The following TMEM170B variants were observed in gnomAD, a reference collection of about 807,000 sequenced individuals.
The protein encoded by TMEM170B is transmembrane protein 170B.
Under a neutral mutation model 13.0 loss-of-function variants are expected in TMEM170B, and 6 were observed. The ratio of observed to expected loss-of-function variants is 0.46; its 90% confidence interval spans 0.25 to 0.91. TMEM170B has a LOEUF of 0.91. TMEM170B is among the 40% of genes least tolerant of loss of function. The pLI, the probability that TMEM170B is intolerant of heterozygous loss-of-function variation, is 0.17. For missense variants in TMEM170B, 138 were observed against 165.2 expected (o/e 0.84, Z 0.90); for synonymous variants, 61 against 64.9 (o/e 0.94, Z 0.29).
At chr6:11,551,498 T>A (rs1351195493) in intron 1 of TMEM170B, among the ~76,000 whole-genome samples, 1 of 152,142 alleles carries the variant, frequency 6.6e-6, no homozygotes, top group Non-Finnish European at 1.5e-5. Context: ...GGGAATGAAG[T>A]GTCTGTAAAA....
chr6:11,546,308 A>G (rs1459307611), intron 1 of TMEM170B, among the ~76,000 whole-genome samples: 3 of 152,142 alleles, frequency 2.0e-5, no homozygotes. Context: ...TATTTTTCAT[A>G]CAGCTGTACA....
intron 1 of TMEM170B, among the ~76,000 whole-genome samples, chr6:11,561,769 C>A (rs1428324067): frequency 1.3e-5 from 2 of 152,082 alleles, no homozygotes; most frequent in Non-Finnish European, 2.9e-5. Flanking sequence ...TGTTCATGTT[C>A]AGTCTGATGA....
intron 1 of TMEM170B, among the ~76,000 whole-genome samples, chr6:11,546,088 A>C (rs1759436631): frequency 6.6e-6 from 1 of 151,798 alleles, no homozygotes; most frequent in African/African-American, 2.4e-5. Flanking sequence ...TTCCAGAAGA[A>C]GACGTTGTTA....
chr6:11,575,718 C>G lies in TMEM170B; in HGVS notation c.*157C>G. On this transcript the variant is annotated 3_prime_UTR_variant, in exon 3 of 3. Transcript: ENST00000379426. The surrounding 1 kb of genome is among the most constrained non-coding windows in gnomAD (Gnocchi z 4.1). ...TTGAGCTGTGTGGAAGGATTGCCCT[C>G]TGGTGTTCAAGTGATTGCACTACCG... 3.5e-6 allele frequency: 3 copies of G among 852,882 alleles called. No individual in the cohort carries two copies. Among genetic ancestry groups the G allele is most frequent in the Non-Finnish European group, 5.3e-6 (3 of 562,724 alleles). The allele number at this position is 852,882 out of a possible 1,614,324, so 52.8% of individuals were successfully genotyped here.
chr6:11,582,405 TG>T lies in TMEM170B; in HGVS notation c.*6847del, dbSNP rs1759968507. ...TGGCTAGATACACATCACCAGTGAC[TG>T]GGAATTCAAAGTTTAGAAAGCCTAA... On this transcript the variant is annotated 3_prime_UTR_variant, in exon 3 of 3. Coordinates refer to ENST00000379426, the MANE Select transcript of TMEM170B (RefSeq NM_001100829.3). The T allele has an allele frequency of 6.6e-6, 1 of 152,202 alleles. No individual in the cohort carries two copies. The highest frequency in any genetic ancestry group is 1.5e-5 in the Non-Finnish European group (1 of 68,002). 9.4% of individuals were successfully genotyped at this position (152,202 alleles called of 1,614,324 possible).
intron 2 of TMEM170B, among the ~76,000 whole-genome samples, chr6:11,566,086 G>T (rs1031180915): frequency 1.3e-5 from 2 of 152,154 alleles, no homozygotes; most frequent in African/African-American, 4.8e-5. Context: ...ATAAAAATTG[G>T]CAAGAGGCAA....
At chr6:11,570,637 A>G (rs1391300689) in intron 2 of TMEM170B, among the ~76,000 whole-genome samples, 2 of 152,144 alleles carry the variant, frequency 1.3e-5, no homozygotes, top group African/African-American at 2.4e-5. Context: ...TCCAGGCCCA[A>G]AGGGGTTTAC....
In TMEM170B at chr6:11,578,069, A is replaced by G. The variant is rs1759903241; in HGVS notation, c.*2508A>G. On this transcript the variant is annotated 3_prime_UTR_variant, in exon 3 of 3. Coordinates refer to ENST00000379426, the MANE Select transcript of TMEM170B (RefSeq NM_001100829.3). ...ATATAGGTATATAGAGAGCTGCTAT[A>G]TATGAATACAGTCTACTTGGAAAGC... 6.6e-6 allele frequency: 1 copy of G among 152,162 alleles called. No homozygotes were observed. The highest frequency in any genetic ancestry group is 2.4e-5 in the African/African-American group (1 of 41,448). The allele number at this position is 152,162 out of a possible 1,614,324, so 9.4% of individuals were successfully genotyped here. A position where few individuals can be genotyped will look rare whatever the true frequency, so the allele number is the denominator to read the frequency against.
intron 1 of TMEM170B, among the ~76,000 whole-genome samples, chr6:11,560,336 T>G (rs1759646526): frequency 6.6e-6 from 1 of 151,128 alleles, no homozygotes; most frequent in African/African-American, 2.4e-5. Flanking sequence ...AGCTATTTTT[T>G]TTTTTTTTTT....
intron 1 of TMEM170B, among the ~76,000 whole-genome samples, chr6:11,539,979 T>A (rs1759337440): frequency 6.6e-6 from 1 of 152,218 alleles, no homozygotes; most frequent in East Asian, 1.9e-4. Context: ...ATTTTACCTG[T>A]AGTCTTTAAA....
rs1759877873 is a variant in TMEM170B at position 11,576,686 on chromosome 6, A to G, written c.*1125A>G. 6.6e-6 allele frequency: 1 copy of G among 152,178 alleles called. No individual in the cohort carries two copies. The highest frequency in any genetic ancestry group is 1.5e-5 in the Non-Finnish European group (1 of 68,002). The allele number at this position is 152,178 out of a possible 1,614,324, so 9.4% of individuals were successfully genotyped here. On this transcript the variant is annotated 3_prime_UTR_variant, in exon 3 of 3. Coordinates refer to ENST00000379426, the MANE Select transcript of TMEM170B (RefSeq NM_001100829.3). ...ACTATTTTACTTTGGACATGTGGCA[A>G]CATCATAATTTTGCTAAGTAAAAAT... is the stretch of plus-strand genomic sequence containing the variant.
chr6:11,570,834 G>C (rs1281255830), intron 2 of TMEM170B, among the ~76,000 whole-genome samples: 1 of 152,196 alleles, frequency 6.6e-6, no homozygotes, highest in Non-Finnish European at 1.5e-5. Context: ...AGATAATTCA[G>C]TATCAGAAAT....
Position 11,565,654 on chromosome 6 carries a change from T to C in TMEM170B, c.98-12T>C, listed in dbSNP as rs1402926660. 1 of 1,613,792 alleles carries C rather than the reference T, an allele frequency of 6.2e-7. No individual in the cohort carries two copies. Among genetic ancestry groups the C allele is most frequent in the Non-Finnish European group, 8.5e-7 (1 of 1,179,748 alleles). On this transcript the variant is annotated splice_polypyrimidine_tract_variant and intron_variant, in intron 1 of 2. Coordinates refer to ENST00000379426, the MANE Select transcript of TMEM170B (RefSeq NM_001100829.3). ...TTTCAACAGATGATTAATACTTTGC[T>C]TTTCCTTTCAGAGATGTGGTACTGG... is the stretch of plus-strand genomic sequence containing the variant.
At chr6:11,562,446 C>G (rs1454672313) in intron 1 of TMEM170B, among the ~76,000 whole-genome samples, 1 of 150,178 alleles carries the variant, frequency 6.7e-6, no homozygotes, top group Non-Finnish European at 1.5e-5. Context: ...GTTTAACACA[C>G]ACTGTAAAAT....
chr6:11,563,444 G>C (rs1561686897), intron 1 of TMEM170B, among the ~76,000 whole-genome samples: 1 of 151,968 alleles, frequency 6.6e-6, no homozygotes, highest in Non-Finnish European at 1.5e-5. Context: ...GTTCAGTTCA[G>C]TTCTGACATT....
chr6:11,550,026 C>CG (rs1240046523), intron 1 of TMEM170B, among the ~76,000 whole-genome samples: 2 of 151,980 alleles, frequency 1.3e-5, no homozygotes, highest in African/African-American at 4.8e-5. Flanking sequence ...TAAATAAAGA[C>CG]GGGGTCTCGC....
chr6:11,538,376 T>C lies in TMEM170B; in HGVS notation c.97+2T>C. The C allele has an allele frequency of 6.6e-7, 1 of 1,508,808 alleles. No homozygotes were observed. The highest frequency in any genetic ancestry group is 8.8e-7 in the Non-Finnish European group (1 of 1,130,990). 93.5% of individuals were successfully genotyped at this position (1,508,808 alleles called of 1,614,324 possible). On this transcript the variant is annotated splice_donor_variant, in intron 1 of 2. Coordinates refer to ENST00000379426, the MANE Select transcript of TMEM170B (RefSeq NM_001100829.3). LOFTEE classifies it high-confidence loss of function. ...GGACGGTGCTGAGGAACCTCACGGG[T>C]AATTGACGCGCCTGGGCTGGGGACG...
chr6:11,574,931 A>T (rs1210729007), intron 2 of TMEM170B, among the ~76,000 whole-genome samples: 2 of 152,150 alleles, frequency 1.3e-5, no homozygotes, highest in African/African-American at 4.8e-5. Context: ...TTAGTCAGGT[A>T]TTATATTTTA....
Position 11,537,892 on chromosome 6 carries a change from C to T in TMEM170B, c.-386C>T, listed in dbSNP as rs563923987. Among the ~76,000 whole-genome samples the T allele has an allele frequency of 1.3e-5, 2 of 151,824 alleles. No homozygotes were observed. The highest frequency in any genetic ancestry group is 4.8e-5 in the African/African-American group (2 of 41,486). On this transcript the variant is annotated 5_prime_UTR_variant, in exon 1 of 3. Coordinates refer to ENST00000379426, the MANE Select transcript of TMEM170B (RefSeq NM_001100829.3). ...CCTGCCGGCTGCCCATCAGCACCGG[C>T]CTCCTGGCGTGACCTCGGCCTCCTC... is the stretch of plus-strand genomic sequence containing the variant.
Sources: allele counts gnomAD v4.1 joint callset (sites outside exome capture counted in the v4.1 genomes callset), GRCh38; gene constraint gnomAD v4.1.1; non-coding constraint Gnocchi (gnomAD v3.1); transcripts MANE v1.5; gene names NCBI Gene and HGNC (gene_info 2026-07-23, HGNC 2026-07-21).